The following TTC39C variants were observed in gnomAD, a reference collection of about 807,000 sequenced individuals.
TTC39C encodes the protein tetratricopeptide repeat domain 39C, also known as tetratricopeptide repeat protein 39C.
A neutral mutation model predicts 76.3 loss-of-function variants in TTC39C; 33 were observed. That is an observed-to-expected ratio of 0.43 (90% confidence interval 0.33 to 0.58). The LOEUF (loss-of-function observed/expected upper bound fraction) is 0.58, where lower values mean the gene tolerates loss of function less well. Ranked by LOEUF, TTC39C falls within the 20% of genes least tolerant of loss-of-function variation. The pLI is 0.04. For synonymous variants in TTC39C, 254 were observed against 260.6 expected, an observed-to-expected ratio of 0.97 and a Z score of 0.24; for missense variants, 595 against 701.4, an observed-to-expected ratio of 0.85 and a Z score of 1.71.
At chr18:24,022,213 C>G (rs561915483) in intron 1 of TTC39C, among the ~76,000 whole-genome samples, 1 of 152,100 alleles carries the variant, frequency 6.6e-6, no homozygotes, top group Non-Finnish European at 1.5e-5. Context: ...GTCCTGGAAC[C>G]AATCCCCCAT....
In TTC39C at chr18:24,098,273, A is replaced by G. The variant is rs567356421; in HGVS notation, c.984+15192A>G. 3.3e-5 allele frequency among the ~76,000 whole-genome samples: 5 copies of G among 152,162 alleles called. No homozygotes were observed. The South Asian group carries it at 8.3e-4, about 25-fold the overall frequency. On this transcript the variant is annotated intron_variant, in intron 6 of 13. Transcript: ENST00000317571. ...TTTGCATATGTCTGTCCTGTCGTATATAGCAAGCAGGGGTCCAGATGAGAT... is the reference window on the plus strand; with the variant it reads ...TTTGCATATGTCTGTCCTGTCGTATGTAGCAAGCAGGGGTCCAGATGAGAT...
At chr18:24,013,763 A>C (rs1303423268), upstream of TTC39C, among the ~76,000 whole-genome samples, 2 of 152,256 alleles carry the variant, frequency 1.3e-5, no homozygotes, top group African/African-American at 4.8e-5. Flanking sequence ...AAGATGATTT[A>C]TGAATTGCTT....
chr18:24,083,613 A>C (rs931826510), intron 6 of TTC39C, among the ~76,000 whole-genome samples: 1 of 152,150 alleles, frequency 6.6e-6, no homozygotes, highest in Non-Finnish European at 1.5e-5. Flanking sequence ...ACCCTGTGAC[A>C]TAGGTGTAAA....
chr18:24,083,637 T>C (rs1401113788), intron 6 of TTC39C, among the ~76,000 whole-genome samples: 1 of 152,214 alleles, frequency 6.6e-6, no homozygotes, highest in Non-Finnish European at 1.5e-5. Flanking sequence ...GTCATCTGCA[T>C]GTTATAGAAA....
rs1568450608 is a variant in TTC39C, at chr18:24,134,255, C to CTTTTTTTTTTTTTTTTTTTT, written c.*1682_*1683insTTTTTTTTTTTTTTTTTTTT. The CTTTTTTTTTTTTTTTTTTTT allele has an allele frequency of 6.4e-5, 3 of 46,708 alleles. No homozygotes were observed. Among genetic ancestry groups the CTTTTTTTTTTTTTTTTTTTT allele is most frequent in the African/African-American group, 2.5e-4 (3 of 12,012 alleles). The allele number at this position is 46,708 out of a possible 1,614,324, so 2.9% of individuals were successfully genotyped here. ...ATTGGTGCCCAAAAATATTGGACAT[C>CTTTTTTTTTTTTTTTTTTTT]TGTTTTTTGTTTTTTTTTTTTTTTT... On this transcript the variant is annotated 3_prime_UTR_variant, in exon 14 of 14. Transcript: ENST00000317571.
At chr18:24,098,522 C>A (rs1397203957) in intron 6 of TTC39C, among the ~76,000 whole-genome samples, 5 of 54,214 alleles carry the variant, frequency 9.2e-5, no homozygotes, top group Non-Finnish European at 3.5e-5. Context: ...CCTCCCCTCC[C>A]GTCCCCTCCC....
In TTC39C at chr18:24,080,451, C is replaced by T. The variant is rs552695727; in HGVS notation, c.461-134C>T. 184 of 661,306 alleles carry T rather than the reference C, an allele frequency of 2.8e-4. 1 individual carries two copies. In the African/African-American group the frequency reaches 3.1e-3, roughly 11 times the overall value. 41.0% of individuals were successfully genotyped at this position (661,306 alleles called of 1,614,324 possible). A position where few individuals can be genotyped will look rare whatever the true frequency, so the allele number is the denominator to read the frequency against. The stretch of plus-strand genomic sequence containing the variant: ...GTAAGCACTATAAGAACACTGGGTA[C>T]AACAATAGATACTAATTTTTATGTT... On this transcript the variant is annotated intron_variant, in intron 4 of 13. Coordinates refer to ENST00000317571, the MANE Select transcript of TTC39C (RefSeq NM_001135993.2).
At chr18:24,066,740 C>T (rs898530602) in intron 3 of TTC39C, among the ~76,000 whole-genome samples, 6 of 152,154 alleles carry the variant, frequency 3.9e-5, no homozygotes, top group East Asian at 3.8e-4. Context: ...CCTGCATGCC[C>T]GTGCCCTGCC....
intron 4 of TTC39C, among the ~76,000 whole-genome samples, chr18:24,076,543 T>C (rs2084310070): frequency 6.6e-6 from 1 of 151,816 alleles, no homozygotes; most frequent in Non-Finnish European, 1.5e-5. Flanking sequence ...AGCCTCTGCC[T>C]CCTCCTGCTT....
chr18:24,107,447 A>G (rs2084758548), intron 6 of TTC39C, among the ~76,000 whole-genome samples: 1 of 152,014 alleles, frequency 6.6e-6, no homozygotes, highest in African/African-American at 2.4e-5. Context: ...CATAGTCCCC[A>G]TGTGTCATGG....
chr18:24,061,237 T>A lies in TTC39C; in HGVS notation c.168-2903T>A, dbSNP rs546509929. Reference sequence around the variant, plus strand: ...AAATATTTAGTCTTCTTTTTTTTTTTTTAAAAAAATAGGTTTTTCACTATG... The same window carrying A: ...AAATATTTAGTCTTCTTTTTTTTTTATTAAAAAAATAGGTTTTTCACTATG... On this transcript the variant is annotated intron_variant, in intron 1 of 13. Coordinates refer to ENST00000317571, the MANE Select transcript of TTC39C (RefSeq NM_001135993.2). 8.2e-3 allele frequency among the ~76,000 whole-genome samples: 1,229 copies of A among 149,324 alleles called. 8 individuals carry two copies. The highest frequency in any genetic ancestry group is 0.015 in the African/African-American group (600 of 39,236).
At chr18:24,044,029 G>A (rs1241208657) in intron 1 of TTC39C, among the ~76,000 whole-genome samples, 1 of 148,176 alleles carries the variant, frequency 6.7e-6, no homozygotes, top group African/African-American at 2.5e-5. Flanking sequence ...ATGGCAGTTG[G>A]CTGAAAGAGC....
chr18:24,107,554 A>T (rs2084760587), intron 6 of TTC39C, among the ~76,000 whole-genome samples: 1 of 151,994 alleles, frequency 6.6e-6, no homozygotes, highest in African/African-American at 2.4e-5. Flanking sequence ...ATGGTTTTAT[A>T]AGGGGCTTCT....
chr18:24,005,023 T>A (rs2083341577), intron 1 of TTC39C, among the ~76,000 whole-genome samples: 1 of 152,228 alleles, frequency 6.6e-6, no homozygotes, highest in Non-Finnish European at 1.5e-5. Context: ...AACTAAGGAA[T>A]GGTACGACTT....
intron 1 of TTC39C, among the ~76,000 whole-genome samples, chr18:24,051,291 C>T (rs1007162910): frequency 3.9e-5 from 6 of 152,184 alleles, no homozygotes; most frequent in South Asian, 2.1e-4. Flanking sequence ...CACCAGCCAG[C>T]GTATTACGAA....
At chr18:24,064,917 T>C (rs920091986) in intron 2 of TTC39C, among the ~76,000 whole-genome samples, 12 of 152,250 alleles carry the variant, frequency 7.9e-5, no homozygotes, top group African/African-American at 2.9e-4. Flanking sequence ...AAGGTATTTA[T>C]TTCCTCTTAT....
intron 12 of TTC39C, 27 bp downstream of exon 12, chr18:24,130,444 A>C: frequency 1.1e-6 from 1 of 931,306 alleles, no homozygotes; most frequent in East Asian, 3.9e-5. Context: ...ATAATATAAT[A>C]TATATTTTTA....
At chr18:24,131,072 CAGGCG>C (rs1158045363) in intron 12 of TTC39C, among the ~76,000 whole-genome samples, 1 of 114,682 alleles carries the variant, frequency 8.7e-6, no homozygotes, top group Non-Finnish European at 1.7e-5. Flanking sequence ...AAAACATAGT[CAGGCG>C]TGGCAGCATG....
chr18:24,081,050 G>A, intron 5 of TTC39C, 111 bp downstream of exon 5: 1 of 990,642 alleles, frequency 1.0e-6, no homozygotes, highest in Non-Finnish European at 1.5e-6. Context: ...TTGGTTGACA[G>A]GGTGCTGTGT....
Sources: gnomAD v4.1 joint callset for allele counts (sites outside exome capture counted in the v4.1 genomes callset) on GRCh38, gnomAD v4.1.1 for gene constraint, MANE v1.5 for transcripts, NCBI Gene and HGNC (gene_info 2026-07-23, HGNC 2026-07-21) for gene names.